The following RTL4 variants were observed in gnomAD, a reference collection of about 807,000 sequenced individuals.
RTL4 encodes the protein retrotransposon Gag like 4.
RTL4 carries 4 observed loss-of-function variants against 5.3 expected under a neutral mutation model. The ratio of observed to expected loss-of-function variants is 0.75; its 90% CI spans 0.37 to 1.72. The LOEUF (loss-of-function observed/expected upper bound fraction) is 1.72. Ranked by LOEUF, RTL4 falls within the 40% of genes most tolerant of loss-of-function variation. RTL4 has a pLI of 0.04. For missense variants in RTL4, 260 were observed against 227.1 expected (o/e 1.14, Z -0.93); for synonymous variants, 98 against 87.3 (o/e 1.12, Z -0.68).
chrX:112,164,214 T>G, the RTL4 span, among the ~76,000 whole-genome samples: 1 of 111,256 alleles, frequency 9.0e-6, no homozygotes, highest in South Asian at 3.9e-4. Context: ...TTCATGATAC[T>G]GCTTCTGTTG....
chrX:112,417,438 A>C, the RTL4 span, among the ~76,000 whole-genome samples: 16,369 of 111,363 alleles, frequency 0.15, 1,059 homozygotes, highest in East Asian at 0.26. Context: ...AGGGTCACAA[A>C]CTAGTGACCC....
chrX:112,184,879 A>G, the RTL4 span, among the ~76,000 whole-genome samples: 1 of 111,610 alleles, frequency 9.0e-6, no homozygotes, highest in Non-Finnish European at 1.9e-5. Context: ...CCTAAATATC[A>G]GCTATCTTGT....
chrX:112,249,786 T>TAGAGAG, the RTL4 span, among the ~76,000 whole-genome samples: 8 of 90,876 alleles, frequency 8.8e-5, no homozygotes, highest in Admixed American at 1.2e-4. Flanking sequence ...ATTATATATA[T>TAGAGAG]ATATATAGAG....
chrX:112,294,322 C>T, the RTL4 span, among the ~76,000 whole-genome samples: 1 of 111,159 alleles, frequency 9.0e-6, no homozygotes, highest in African/African-American at 3.3e-5. Context: ...CAAGGCCAGG[C>T]GCGGTGGCTC....
the RTL4 span, among the ~76,000 whole-genome samples, chrX:112,424,746 T>C: frequency 2.7e-5 from 3 of 110,953 alleles, 1 homozygote; most frequent in African/African-American, 9.8e-5. Flanking sequence ...TTTACTGAAG[T>C]TGGTTTTTTT....
At chrX:112,287,840 A>G in the RTL4 span, among the ~76,000 whole-genome samples, 2,351 of 112,124 alleles carry the variant, frequency 0.021, 71 homozygotes, top group African/African-American at 0.073. Context: ...CTAAAAGACC[A>G]CAATTTAAAT....
chrX:112,215,850 G>GT, the RTL4 span, among the ~76,000 whole-genome samples: 339 of 111,600 alleles, frequency 3.0e-3, 1 homozygote, highest in South Asian at 0.021. Context: ...TCTAAGCTTA[G>GT]TTTTTTTAAG....
chrX:112,374,468 C>A, the RTL4 span, among the ~76,000 whole-genome samples: 2 of 111,480 alleles, frequency 1.8e-5, no homozygotes, highest in Non-Finnish European at 3.8e-5. Context: ...ATTTTCCTGG[C>A]TATTTGTGGT....
the RTL4 span, among the ~76,000 whole-genome samples, chrX:112,256,659 T>TA: frequency 4.5e-5 from 5 of 112,127 alleles, no homozygotes; most frequent in Non-Finnish European, 9.4e-5. Flanking sequence ...CATGAACACT[T>TA]ACATTTCTCC....
At chrX:112,396,116 A>C in the RTL4 span, among the ~76,000 whole-genome samples, 4 of 111,129 alleles carry the variant, frequency 3.6e-5, no homozygotes, top group Admixed American at 1.9e-4. Flanking sequence ...CAGAGTTCCA[A>C]TTCTGATTGC....
chrX:112,269,537 A>C, the RTL4 span, among the ~76,000 whole-genome samples: 1 of 111,867 alleles, frequency 8.9e-6, no homozygotes, highest in South Asian at 3.8e-4. Flanking sequence ...CAAACTCTTT[A>C]TATCCATTTT....
the RTL4 span, among the ~76,000 whole-genome samples, chrX:112,140,895 T>C: frequency 8.9e-6 from 1 of 112,367 alleles, no homozygotes; most frequent in Admixed American, 9.4e-5. Flanking sequence ...ATACAGAATA[T>C]AATACAGAAT....
At chrX:112,210,263 G>C in the RTL4 span, among the ~76,000 whole-genome samples, 2 of 112,238 alleles carry the variant, frequency 1.8e-5, no homozygotes, top group East Asian at 5.6e-4. Context: ...TTTAAAGTCA[G>C]ACAGACCTGC....
chrX:112,237,038 C>A, the RTL4 span, among the ~76,000 whole-genome samples: 12 of 110,933 alleles, frequency 1.1e-4, no homozygotes, highest in South Asian at 4.6e-3. Context: ...AGGAGGCAGC[C>A]CCTAGAAGCA....
At chrX:112,350,032 T>C in the RTL4 span, among the ~76,000 whole-genome samples, 1 of 109,930 alleles carries the variant, frequency 9.1e-6, no homozygotes, top group African/African-American at 3.3e-5. Flanking sequence ...TTTTGAGATA[T>C]GTCCCATCAA....
chrX:112,313,607 C>CCT, the RTL4 span, among the ~76,000 whole-genome samples: 1,674 of 101,188 alleles, frequency 0.017, 21 homozygotes, highest in African/African-American at 0.043. Flanking sequence ...TGCTTCAGAA[C>CCT]CTCTCTCTCT....
At chrX:112,305,250 G>A in the RTL4 span, among the ~76,000 whole-genome samples, 3 of 108,294 alleles carry the variant, frequency 2.8e-5, no homozygotes, top group Admixed American at 9.9e-5. Context: ...CTTCGCTTCC[G>A]GGTTCAAGTG....
chrX:112,320,380 A>G, the RTL4 span: 4 of 109,990 alleles, frequency 3.6e-5, no homozygotes, highest in Admixed American at 2.9e-4. Flanking sequence ...CTTATTAAAC[A>G]AGATATTCAA....
At chrX:112,296,611 C>CT in the RTL4 span, among the ~76,000 whole-genome samples, 702 of 92,462 alleles carry the variant, frequency 7.6e-3, 2 homozygotes, top group Middle Eastern at 0.027. Flanking sequence ...TTCTTTTCTT[C>CT]TTTTTTTTTT....
Sources: gnomAD v4.1 joint callset for allele counts (sites outside exome capture counted in the v4.1 genomes callset) on GRCh38, gnomAD v4.1.1 for gene constraint, MANE v1.5 for transcripts, NCBI Gene and HGNC (gene_info 2026-07-23, HGNC 2026-07-21) for gene names.